Variants in CYTH1 observed in about 807,000 individuals in gnomAD.
CYTH1 encodes the protein cytohesin 1.
A neutral mutation model predicts 61.8 loss-of-function variants in CYTH1; 18 were observed. The observed-to-expected ratio is 0.29, with a 90% confidence interval of 0.20 to 0.43. The LOEUF (loss-of-function observed/expected upper bound fraction) is 0.43, where lower values mean the gene tolerates loss of function less well. CYTH1 is among the 20% of genes least tolerant of loss of function. CYTH1 has a pLI of 1.00. For missense variants in CYTH1, 336 were observed against 510.5 expected (o/e 0.66, Z 3.29); for synonymous variants, 174 against 184.3 (o/e 0.94, Z 0.45).
rs145732201 is a variant in CYTH1, at chr17:78,758,561, G to A, written c.22+23641C>T. ...CTCTACTAAAAATAAAAAATTAGCC[G>A]GGCATGGTGGTGCATGCCTGTAATC... On this transcript the variant is annotated intron_variant, in intron 1 of 13. Transcript: ENST00000446868. Among the ~76,000 whole-genome samples the A allele has an allele frequency of 4.8e-3, 726 of 152,122 alleles. 7 individuals carry two copies. The highest frequency in any genetic ancestry group is 0.016 in the African/African-American group (655 of 41,502).
intron 1 of CYTH1, among the ~76,000 whole-genome samples, chr17:78,718,076 C>A (rs1400929733): frequency 6.6e-6 from 1 of 152,006 alleles, no homozygotes; most frequent in African/African-American, 2.4e-5. Flanking sequence ...AAGGTAACTA[C>A]CTTAGTCAGA....
chr17:78,734,963 TC>T (rs1158595274), intron 1 of CYTH1, among the ~76,000 whole-genome samples: 1 of 152,056 alleles, frequency 6.6e-6, no homozygotes, highest in Non-Finnish European at 1.5e-5. Flanking sequence ...ACTCCATTTG[TC>T]CCCCTCCTTT....
intron 1 of CYTH1, among the ~76,000 whole-genome samples, chr17:78,728,570 A>G (rs745756697): frequency 6.6e-6 from 1 of 152,256 alleles, no homozygotes; most frequent in Non-Finnish European, 1.5e-5. Flanking sequence ...AATTATTTAC[A>G]TTACCAACAT....
chr17:78,730,283 T>G (rs563498798), intron 1 of CYTH1, among the ~76,000 whole-genome samples: 1 of 148,102 alleles, frequency 6.8e-6, no homozygotes, highest in African/African-American at 2.5e-5. Context: ...CCCAGCACTT[T>G]GGGAGGCTGA....
chr17:78,688,552 A>G (rs988275085), intron 11 of CYTH1, among the ~76,000 whole-genome samples: 2 of 152,214 alleles, frequency 1.3e-5, no homozygotes, highest in African/African-American at 4.8e-5. Context: ...CGCATGACAA[A>G]TGTCCTTAGC....
At position 78,680,074 on chromosome 17, in the gene CYTH1, A is replaced by G; in HGVS notation, c.1118+116T>C. 5 of 1,391,412 alleles carry G rather than the reference A, an allele frequency of 3.6e-6. No individual in the cohort carries two copies. In the East Asian group the frequency reaches 7.4e-5, roughly 21 times the overall value. 86.2% of individuals were successfully genotyped at this position (1,391,412 alleles called of 1,614,324 possible). ...CTGGGAACCAGGACGAAGCTTCCCTAAGAACTTGGAGCACAGAAGAGATGC... is the reference window on the plus strand; with the variant it reads ...CTGGGAACCAGGACGAAGCTTCCCTGAGAACTTGGAGCACAGAAGAGATGC... On this transcript the variant is annotated intron_variant, in intron 13 of 13. Coordinates refer to ENST00000446868, the MANE Select transcript of CYTH1 (RefSeq NM_004762.6).
intron 7 of CYTH1, among the ~76,000 whole-genome samples, chr17:78,699,542 C>G (rs559567332): frequency 6.6e-6 from 1 of 152,258 alleles, no homozygotes; most frequent in East Asian, 1.9e-4. Context: ...TGTAGAAACT[C>G]TGAAAAACAC....
At chr17:78,737,188 C>G (rs1221148810) in intron 1 of CYTH1, among the ~76,000 whole-genome samples, 3 of 152,164 alleles carry the variant, frequency 2.0e-5, no homozygotes, top group African/African-American at 7.2e-5. Context: ...CCGATGGACA[C>G]CAAAACCCAC....
At position 78,685,055 on chromosome 17, in the gene CYTH1, C is replaced by T. The variant is rs56697212; in HGVS notation, c.892-4013G>A. 4.2e-3 allele frequency among the ~76,000 whole-genome samples: 640 copies of T among 151,840 alleles called. 6 individuals carry two copies. The highest frequency in any genetic ancestry group is 0.014 in the African/African-American group (599 of 41,412). ...CTCTACTAAAAATACAAAAATTAGCCGCATGTGGTGGCACGTGCCTGTAAT... is the reference window on the plus strand; with the variant it reads ...CTCTACTAAAAATACAAAAATTAGCTGCATGTGGTGGCACGTGCCTGTAAT... On this transcript the variant is annotated intron_variant, in intron 11 of 13. Coordinates refer to ENST00000446868, the MANE Select transcript of CYTH1 (RefSeq NM_004762.6).
rs1331487280 is a variant in CYTH1 at position 78,767,532 on chromosome 17, CGGATGAATAGATGAACAAAT to C, written c.22+14650_22+14669del. On this transcript the variant is annotated intron_variant, in intron 1 of 13. Transcript: ENST00000446868. The stretch of plus-strand genomic sequence containing the variant: ...AAAGAATTTAAAAAGTCTGAACAAA[CGGATGAATAGATGAACAAAT>C]GGATGAATAGATGAACAAATGGATG... Among the ~76,000 whole-genome samples, 220 of 149,268 alleles carry C rather than the reference CGGATGAATAGATGAACAAAT, an allele frequency of 1.5e-3. 3 individuals are homozygous for C. The East Asian group carries it at 0.033, about 22-fold the overall frequency.
chr17:78,776,732 G>A (rs1244050314), intron 1 of CYTH1, among the ~76,000 whole-genome samples: 2 of 150,058 alleles, frequency 1.3e-5, no homozygotes, highest in Non-Finnish European at 3.0e-5. Context: ...TAATTTTTAC[G>A]ATTTTTTTCT....
chr17:78,776,012 G>A (rs1245512126), intron 1 of CYTH1, among the ~76,000 whole-genome samples: 1 of 151,746 alleles, frequency 6.6e-6, no homozygotes, highest in Admixed American at 6.6e-5. Flanking sequence ...AAAATCAGCC[G>A]GGTGTGGTGG....
At chr17:78,733,070 C>T (rs181221508) in intron 1 of CYTH1, among the ~76,000 whole-genome samples, 152 of 98,224 alleles carry the variant, frequency 1.5e-3, no homozygotes, top group Middle Eastern at 0.016. Flanking sequence ...GAGTGAGACT[C>T]CATCTCAAAA....
At chr17:78,696,062 G>A (rs1452856288) in intron 9 of CYTH1, 53 bp from the exon 10 acceptor site, 5 of 1,366,974 alleles carry the variant, frequency 3.7e-6, no homozygotes, top group Non-Finnish European at 4.9e-6. Context: ...ACATACAAAT[G>A]AGGGAGAAAA....
At chr17:78,692,723 C>T (rs1315013630) in intron 10 of CYTH1, among the ~76,000 whole-genome samples, 1 of 151,674 alleles carries the variant, frequency 6.6e-6, no homozygotes, top group Non-Finnish European at 1.5e-5. Flanking sequence ...AGGTGACACC[C>T]GGAGATGGAA....
intron 1 of CYTH1, among the ~76,000 whole-genome samples, chr17:78,764,989 G>T (rs866753198): frequency 6.6e-6 from 1 of 152,122 alleles, no homozygotes; most frequent in African/African-American, 2.4e-5. Flanking sequence ...GGCACTGGCT[G>T]CTCAAGCAAA....
At chr17:78,702,004 G>T in intron 5 of CYTH1, 118 bp downstream of exon 5, 1 of 881,864 alleles carries the variant, frequency 1.1e-6, no homozygotes, top group Non-Finnish European at 1.8e-6. Context: ...CTCCAGTGGG[G>T]CTACAGATGC....
At chr17:78,778,750 C>T (rs1032751853) in intron 1 of CYTH1, among the ~76,000 whole-genome samples, 8 of 151,426 alleles carry the variant, frequency 5.3e-5, no homozygotes, top group East Asian at 3.9e-4. Context: ...GACCAGCCTG[C>T]GCAACATAGT....
intron 11 of CYTH1, chr17:78,691,702 C>G (rs941931328): frequency 6.6e-6 from 1 of 152,214 alleles, no homozygotes; most frequent in Non-Finnish European, 1.5e-5. Context: ...ACCCCATCAC[C>G]AGTCCGGTGA....
Sources: allele counts gnomAD v4.1 joint callset (sites outside exome capture counted in the v4.1 genomes callset), GRCh38; gene constraint gnomAD v4.1.1; transcripts MANE v1.5; gene names NCBI Gene and HGNC (gene_info 2026-07-23, HGNC 2026-07-21).